KDM8: variants seen among roughly 807,000 people sequenced by gnomAD.
KDM8 encodes bifunctional peptidase and arginyl-hydroxylase JMJD5.
Under a neutral mutation model 46.9 loss-of-function variants are expected in KDM8, and 35 were observed. That is an observed-to-expected ratio of 0.75 (90% CI 0.57 to 0.99). The LOEUF is 0.99. Among genes scored for constraint, KDM8 ranks in the 50% least tolerant of loss-of-function variants. The pLI is 0.00. For missense variants in KDM8, 475 were observed against 537.0 expected (o/e 0.88, Z 1.14); for synonymous variants, 232 against 227.7 (o/e 1.02, Z -0.17).
At chr16:27,218,854 C>A in intron 5 of KDM8, 107 bp from the exon 6 acceptor site, 1 of 1,271,300 alleles carries the variant, frequency 7.9e-7, no homozygotes, top group Non-Finnish European at 1.1e-6. Flanking sequence ...CTCAAACACA[C>A]ACACACATAA....
rs1318168306 is a variant in KDM8, at chr16:27,221,116, C to G, written c.*386C>G. On this transcript the variant is annotated 3_prime_UTR_variant, in exon 8 of 8. Transcript: ENST00000286096. ...GATTCAAACCCGGCCGCGCTGTGCACCTGCTGGGTGACTTGGCCAGGATCC... is the reference window on the plus strand; with the variant it reads ...GATTCAAACCCGGCCGCGCTGTGCAGCTGCTGGGTGACTTGGCCAGGATCC... 1 of 350,882 alleles carries G rather than the reference C, an allele frequency of 2.8e-6. No individual in the cohort carries two copies. The highest frequency in any genetic ancestry group is 5.6e-6 in the Non-Finnish European group (1 of 178,538). The allele number at this position is 350,882 out of a possible 1,614,324, so 21.7% of individuals were successfully genotyped here.
intron 3 of KDM8, chr16:27,214,535 C>T (rs1405985883): frequency 3.5e-5 from 9 of 259,092 alleles, no homozygotes; most frequent in South Asian, 3.3e-4. Context: ...CCACCTGCCA[C>T]GCTGTCCGCT....
At chr16:27,211,271 C>A in intron 2 of KDM8, 5 of 441,032 alleles carry the variant, frequency 1.1e-5, no homozygotes, top group Non-Finnish European at 1.8e-5. Context: ...TCTTGGTGGG[C>A]TTGCTGAAGT....
At chr16:27,211,061 GAGCCACCGT>G in intron 2 of KDM8, 1 of 443,276 alleles carries the variant, frequency 2.3e-6, no homozygotes, top group Admixed American at 2.5e-5. Context: ...TTACAGGTGT[GAGCCACCGT>G]GCTCAGCCCC....
intron 1 of KDM8, 172 bp downstream of exon 1, chr16:27,203,808 T>C: frequency 2.6e-6 from 1 of 391,828 alleles, no homozygotes; most frequent in East Asian, 4.1e-5. Flanking sequence ...GCTCTGAGAA[T>C]GCAATTTAGC....
At chr16:27,208,069 G>A (rs751074938) in intron 1 of KDM8, among the ~76,000 whole-genome samples, 1 of 152,244 alleles carries the variant, frequency 6.6e-6, no homozygotes, top group Non-Finnish European at 1.5e-5. Context: ...GAAGAACTCT[G>A]CATTAAAGAA....
rs1323840762 is a variant in KDM8, at chr16:27,210,691, C to A, written c.498+70C>A. The stretch of plus-strand genomic sequence containing the variant: ...CCCTGTTGTTCTAGAAATTCCGAGT[C>A]ATCTCTCCCCTGGGGTGAGGCCTCG... On this transcript the variant is annotated intron_variant, in intron 2 of 7. Transcript: ENST00000286096. 8 of 1,444,162 alleles carry A rather than the reference C, an allele frequency of 5.5e-6. No homozygotes were observed. The African/African-American group carries it at 1.1e-4, about 21-fold the overall frequency. 89.5% of individuals were successfully genotyped at this position (1,444,162 alleles called of 1,614,324 possible).
At chr16:27,214,727 G>A (rs962221481) in intron 3 of KDM8, 149 bp from the exon 4 acceptor site, 28 of 805,820 alleles carry the variant, frequency 3.5e-5, no homozygotes, top group East Asian at 1.6e-4. Flanking sequence ...TCTCCATGCC[G>A]GTTCCTCATC....
At chr16:27,212,733 C>CAATAAATA (rs990094058) in intron 2 of KDM8, among the ~76,000 whole-genome samples, 1 of 152,066 alleles carries the variant, frequency 6.6e-6, no homozygotes, top group African/African-American at 2.4e-5. Flanking sequence ...GACTCGGTCT[C>CAATAAATA]AATAAATAAA....
At position 27,213,725 on chromosome 16, in the gene KDM8, C is replaced by G; in HGVS notation, c.639C>G (p.Asp213Glu). 6.2e-7 allele frequency: 1 copy of G among 1,614,156 alleles called. No individual in the cohort carries two copies. The change falls in exon 3 of 8, where the codon GAC becomes GAG. Residue 213 changes from aspartate to glutamate, a missense_variant. Transcript: ENST00000286096. Reference sequence around the variant, plus strand: ...CCGTGATCCTGAAAGGCGTGGCTGACCACTGGCCGTGCATGCAGAAGTGGA... The same window carrying G: ...CCGTGATCCTGAAAGGCGTGGCTGAGCACTGGCCGTGCATGCAGAAGTGGA... ...GRPVILKGVA[D>E]HWPCMQKWSL... is the part of the protein sequence containing the mutation.
intron 3 of KDM8, 38 bp downstream of exon 3, chr16:27,213,789 A>T (rs761013929): frequency 3.7e-6 from 6 of 1,603,878 alleles, no homozygotes; most frequent in Non-Finnish European, 4.3e-6. Context: ...CCCTTTTCCC[A>T]TTTTAGCGTT....
At chr16:27,205,185 C>T (rs2083415832) in intron 1 of KDM8, among the ~76,000 whole-genome samples, 1 of 152,156 alleles carries the variant, frequency 6.6e-6, no homozygotes, top group Non-Finnish European at 1.5e-5. Context: ...TGAGTCTATT[C>T]CGGCTGTTTT....
At chr16:27,217,530 C>A (rs2083568952) in intron 5 of KDM8, among the ~76,000 whole-genome samples, 1 of 152,336 alleles carries the variant, frequency 6.6e-6, no homozygotes, top group South Asian at 2.1e-4. Context: ...CTGGGAGGGA[C>A]CTCAGCTTGC....
intron 5 of KDM8, 179 bp downstream of exon 5, chr16:27,216,168 G>T: frequency 1.5e-6 from 1 of 648,512 alleles, no homozygotes; most frequent in Non-Finnish European, 2.7e-6. Context: ...AGGAAACACT[G>T]GGGGGTCGCC....
intron 1 of KDM8, among the ~76,000 whole-genome samples, chr16:27,205,775 T>G (rs1596641697): frequency 6.6e-6 from 1 of 151,922 alleles, no homozygotes; most frequent in Non-Finnish European, 1.5e-5. Flanking sequence ...GAGGCAGAGG[T>G]TGCAGTGAGG....
At chr16:27,209,509 G>T (rs1407834114) in intron 1 of KDM8, among the ~76,000 whole-genome samples, 6 of 152,250 alleles carry the variant, frequency 3.9e-5, no homozygotes, top group Admixed American at 3.9e-4. Flanking sequence ...TTACAGGCGT[G>T]AGCCACCATG....
intron 1 of KDM8, among the ~76,000 whole-genome samples, chr16:27,204,714 AGAG>A (rs2083410821): frequency 6.6e-6 from 1 of 152,132 alleles, no homozygotes; most frequent in Non-Finnish European, 1.5e-5. Flanking sequence ...GAGGTGCTTT[AGAG>A]GAGTTGATGT....
chr16:27,218,390 C>T (rs959377290), intron 5 of KDM8, among the ~76,000 whole-genome samples: 4 of 152,176 alleles, frequency 2.6e-5, no homozygotes, highest in Admixed American at 2.6e-4. Flanking sequence ...TGTCAGAGGC[C>T]ATGGGGAGCC....
Position 27,215,687 on chromosome 16 carries a change from C to T in KDM8, c.799-258C>T, listed in dbSNP as rs988083836. 2.0e-5 allele frequency among the ~76,000 whole-genome samples: 3 copies of T among 152,206 alleles called. 1 individual carries two copies. Among genetic ancestry groups the T allele is most frequent in the Admixed American group, 2.0e-4 (3 of 15,282 alleles). On this transcript the variant is annotated intron_variant, in intron 4 of 7. Coordinates refer to ENST00000286096, the MANE Select transcript of KDM8 (RefSeq NM_024773.3). The stretch of plus-strand genomic sequence containing the variant: ...GTCCATTTTCTTACATCTTTGCCTG[C>T]ACTGTTTGTTGCCATTTTATGAAAA...
Sources: gnomAD v4.1 joint callset for allele counts (sites outside exome capture counted in the v4.1 genomes callset) on GRCh38, gnomAD v4.1.1 for gene constraint, MANE v1.5 for transcripts, NCBI Gene and HGNC (gene_info 2026-07-23, HGNC 2026-07-21) for gene names.